The following FAM81A variants were observed in gnomAD, a reference collection of about 807,000 sequenced individuals.
FAM81A encodes protein FAM81A.
Under a neutral mutation model 46.7 loss-of-function variants are expected in FAM81A, and 19 were observed. That is an observed-to-expected ratio of 0.41 (90% CI 0.28 to 0.60). The LOEUF (loss-of-function observed/expected upper bound fraction) is 0.60, where lower values mean the gene tolerates loss of function less well. Ranked by LOEUF, FAM81A falls within the 20% of genes least tolerant of loss-of-function variation. The pLI is 0.34. For missense variants in FAM81A, 377 were observed against 453.5 expected (o/e 0.83, Z 1.53); for synonymous variants, 183 against 152.9 (o/e 1.20, Z -1.45).
At position 59,516,821 on chromosome 15, in the gene FAM81A, G is replaced by A. The variant is rs541232030; in HGVS notation, c.963G>A (p.Met321Ile). ...AGATGAACCAGAACATCAAGGAAAT[G>A]AAAGCAGAAGTTAATGCTGGTAGGC... ...ELQMNQNIKE[M>I]KAEVNAGFTA... The change falls in exon 8 of 9, where the codon ATG becomes ATA. Residue 321 changes from methionine (M) to isoleucine (I), a missense_variant. Coordinates refer to ENST00000288228, the MANE Select transcript of FAM81A (RefSeq NM_152450.3). 416 of 1,603,354 alleles carry A rather than the reference G, an allele frequency of 2.6e-4. 5 individuals carry two copies. The South Asian group carries it at 4.5e-3, about 17-fold the overall frequency.
At chr15:59,418,228 A>C (rs1313285661) in intron 2 of FAM81A, among the ~76,000 whole-genome samples, 2 of 152,122 alleles carry the variant, frequency 1.3e-5, no homozygotes, top group Admixed American at 1.3e-4. Context: ...GCACGATGTG[A>C]GCTGTGAGGT....
intron 3 of FAM81A, among the ~76,000 whole-genome samples, chr15:59,481,594 C>G (rs545240153): frequency 8.4e-4 from 128 of 151,914 alleles, no homozygotes; most frequent in Non-Finnish European, 1.6e-3. Context: ...ACACACTTTC[C>G]CTTGTTGCTA....
intron 3 of FAM81A, among the ~76,000 whole-genome samples, chr15:59,461,745 G>T (rs1326357067): frequency 2.0e-5 from 3 of 152,160 alleles, no homozygotes; most frequent in African/African-American, 4.8e-5. Context: ...AACCATTCAT[G>T]AACTGATGGG....
At chr15:59,512,963 C>A (rs1430913132) in intron 6 of FAM81A, among the ~76,000 whole-genome samples, 5 of 152,188 alleles carry the variant, frequency 3.3e-5, no homozygotes, top group Admixed American at 6.5e-5. Context: ...ACCCAGTTAA[C>A]ATTTGAGGGC....
At chr15:59,481,057 G>C (rs1479539511) in intron 3 of FAM81A, among the ~76,000 whole-genome samples, 2 of 151,938 alleles carry the variant, frequency 1.3e-5, no homozygotes, top group African/African-American at 4.8e-5. Flanking sequence ...TGCAGTTGTG[G>C]GAACATGGCT....
intron 1 of FAM81A, among the ~76,000 whole-genome samples, chr15:59,455,613 C>T (rs898481930): frequency 1.6e-4 from 24 of 152,204 alleles, no homozygotes; most frequent in Non-Finnish European, 2.6e-4. Flanking sequence ...AGATCCTCAC[C>T]ACATTCATAA....
intron 3 of FAM81A, among the ~76,000 whole-genome samples, chr15:59,474,050 G>C (rs76007832): frequency 6.6e-6 from 1 of 152,094 alleles, no homozygotes; most frequent in Admixed American, 6.5e-5. Context: ...TTCATTTTAG[G>C]AAGCCCTCCT....
chr15:59,496,336 G>T (rs1422080100), intron 4 of FAM81A, among the ~76,000 whole-genome samples: 1 of 152,212 alleles, frequency 6.6e-6, no homozygotes, highest in Non-Finnish European at 1.5e-5. Context: ...GCCGGGAGCG[G>T]TGGCTCACGC....
At chr15:59,457,628 T>C (rs2081500725) in intron 1 of FAM81A, among the ~76,000 whole-genome samples, 1 of 152,224 alleles carries the variant, frequency 6.6e-6, no homozygotes, top group Non-Finnish European at 1.5e-5. Context: ...CACCATAGCT[T>C]GTTTGGCATG....
intron 4 of FAM81A, 73 bp from the exon 5 acceptor site, chr15:59,507,140 G>A: frequency 6.6e-7 from 1 of 1,512,974 alleles, no homozygotes; most frequent in Non-Finnish European, 8.9e-7. Flanking sequence ...TTGCATTTCA[G>A]AGTGTATAAG....
intron 3 of FAM81A, among the ~76,000 whole-genome samples, chr15:59,485,272 G>A (rs753597056): frequency 9.2e-5 from 14 of 152,078 alleles, no homozygotes; most frequent in African/African-American, 2.7e-4. Flanking sequence ...GTGAACATAC[G>A]GGTAGCCATG....
chr15:59,431,210 C>T (rs2081218362), intron 2 of FAM81A, among the ~76,000 whole-genome samples: 1 of 151,972 alleles, frequency 6.6e-6, no homozygotes, highest in Admixed American at 6.6e-5. Flanking sequence ...TGTCATAGTC[C>T]TAACAATTCC....
chr15:59,436,053 G>A (rs1015814237), upstream of FAM81A, among the ~76,000 whole-genome samples: 4 of 152,134 alleles, frequency 2.6e-5, no homozygotes, highest in South Asian at 2.1e-4. Context: ...TTGAAAGCCC[G>A]GTTCTTACTG....
chr15:59,421,818 G>T (rs1335817726), intron 2 of FAM81A, among the ~76,000 whole-genome samples: 1 of 147,800 alleles, frequency 6.8e-6, no homozygotes, highest in African/African-American at 2.5e-5. Flanking sequence ...TACCAAAAAA[G>T]CATTGAGGTT....
intron 4 of FAM81A, among the ~76,000 whole-genome samples, 198 bp downstream of exon 4, chr15:59,492,587 G>A (rs917489946): frequency 2.6e-5 from 4 of 152,074 alleles, no homozygotes; most frequent in African/African-American, 7.2e-5. Context: ...CTTTTGTTAC[G>A]CAATTGGTGT....
intron 1 of FAM81A, among the ~76,000 whole-genome samples, chr15:59,449,885 T>C (rs1044866260): frequency 1.3e-5 from 2 of 150,752 alleles, no homozygotes; most frequent in African/African-American, 2.4e-5. Context: ...TTCATTCACA[T>C]TGGGACTTGT....
intron 2 of FAM81A, among the ~76,000 whole-genome samples, chr15:59,459,359 G>A (rs78564150): frequency 8.5e-5 from 13 of 152,174 alleles, no homozygotes; most frequent in African/African-American, 2.9e-4. Context: ...CATACAAGTC[G>A]GGATTTGCTA....
chr15:59,516,740 G>C lies in FAM81A; in HGVS notation c.882G>C (p.Gln294His), dbSNP rs1158165169. Residue 294 changes from glutamine (Q) to histidine (H), a missense_variant, in exon 8 of 9, where the codon CAG becomes CAC. Coordinates refer to ENST00000288228, the MANE Select transcript of FAM81A (RefSeq NM_152450.3). Reference protein sequence around the residue: ...EEGQKKTFDGQRTRQEEEKMH... With the variant: ...EEGQKKTFDGHRTRQEEEKMH... ...GTCAAAAGAAGACTTTTGATGGTCA[G>C]AGAACAAGGCAAGAAGAGGAGAAGA... 2.5e-6 allele frequency: 4 copies of C among 1,613,632 alleles called. No individual in the cohort carries two copies. The highest frequency in any genetic ancestry group is 3.4e-6 in the Non-Finnish European group (4 of 1,179,836).
intron 1 of FAM81A, 39 bp downstream of exon 1, chr15:59,438,321 C>G (rs2081259141): frequency 6.6e-6 from 1 of 151,920 alleles, no homozygotes; most frequent in Non-Finnish European, 1.5e-5. Context: ...CGGGCGGCCT[C>G]TGGGGCTGGG....
Sources: allele counts gnomAD v4.1 joint callset (sites outside exome capture counted in the v4.1 genomes callset), GRCh38; gene constraint gnomAD v4.1.1; transcripts MANE v1.5; gene names NCBI Gene and HGNC (gene_info 2026-07-23, HGNC 2026-07-21).